CASTOR2: variants seen among roughly 807,000 people sequenced by gnomAD.
CASTOR2 encodes cytosolic arginine sensor for mTORC1 subunit 2, also known as GATS protein like 2.
A neutral mutation model predicts 31.2 loss-of-function variants in CASTOR2; 8 were observed. The ratio of observed to expected loss-of-function variants is 0.26; its 90% CI spans 0.15 to 0.46. The LOEUF (loss-of-function observed/expected upper bound fraction) is 0.46, where lower values mean the gene tolerates loss of function less well. Among genes scored for constraint, CASTOR2 ranks in the 20% least tolerant of loss-of-function variants. The probability of loss-of-function intolerance (pLI) is 0.99; values close to 1 mark genes in which losing one functional copy is unlikely to be tolerated. For synonymous variants in CASTOR2, 162 were observed against 158.7 expected (o/e 1.02, Z -0.16); for missense variants, 216 against 382.1 (o/e 0.57, Z 3.62).
chr7:74,998,039 G>T (rs2131937340), intron 1 of CASTOR2, among the ~76,000 whole-genome samples: 1 of 152,226 alleles, frequency 6.6e-6, no homozygotes, highest in East Asian at 1.9e-4. Flanking sequence ...GGATGTCTCA[G>T]AATGGAAATG....
intron 2 of CASTOR2, 42 bp from the exon 3 acceptor site, chr7:75,017,556 A>G: frequency 6.2e-7 from 1 of 1,604,454 alleles, no homozygotes. Flanking sequence ...GGTCATCTGG[A>G]ACCTCAGCAG....
rs936490103 is a variant in CASTOR2, at chr7:75,030,821, G to A, written c.*6122G>A. Among the ~76,000 whole-genome samples, 79 of 152,300 alleles carry A rather than the reference G, an allele frequency of 5.2e-4. No individual in the cohort carries two copies. Among genetic ancestry groups the A allele is most frequent in the South Asian group, 8.3e-4 (4 of 4,832 alleles). ...TGATTGGAAGGGGCTGGGGCTGCCC[G>A]TGCTGACTCTTCAAAGGCATCCCAT... On this transcript the variant is annotated 3_prime_UTR_variant, in exon 9 of 9. Transcript: ENST00000616305.
chr7:75,009,417 G>A (rs1349299725), intron 2 of CASTOR2, among the ~76,000 whole-genome samples: 115 of 150,896 alleles, frequency 7.6e-4, no homozygotes, highest in East Asian at 6.5e-3. Context: ...ACAGGCGCCC[G>A]CCACCACGCC....
At chr7:74,972,549 G>GC (rs1474021652) in intron 1 of CASTOR2, among the ~76,000 whole-genome samples, 3 of 149,854 alleles carry the variant, frequency 2.0e-5, no homozygotes, top group Admixed American at 6.7e-5. Flanking sequence ...ACTTCCTGCT[G>GC]CCTTCCTGGG....
At chr7:75,018,556 G>A (rs1396834822) in intron 4 of CASTOR2, among the ~76,000 whole-genome samples, 1 of 152,114 alleles carries the variant, frequency 6.6e-6, no homozygotes, top group East Asian at 1.9e-4. Context: ...AAAAAAATGT[G>A]ATGGAAAGGT....
rs1257912920 is a variant in CASTOR2 at position 75,025,526 on chromosome 7, T to C, written c.*827T>C. Among the ~76,000 whole-genome samples the C allele has an allele frequency of 6.6e-6, 1 of 152,186 alleles. No homozygotes were observed. The highest frequency in any genetic ancestry group is 3.2e-3 in the Middle Eastern group (1 of 316). ...TTCCCCCAGTAGGGACATCCCTGGC[T>C]TTCCAGGCCTGAGGTTTCTTAGGTG... On this transcript the variant is annotated 3_prime_UTR_variant, in exon 9 of 9. Transcript: ENST00000616305.
intron 1 of CASTOR2, among the ~76,000 whole-genome samples, chr7:74,977,703 A>G (rs1295019876): frequency 5.3e-5 from 8 of 150,754 alleles, no homozygotes; most frequent in South Asian, 2.1e-4. Context: ...TTGAGACAGG[A>G]TCTCACTGTG....
chr7:74,990,512 G>A (rs1473704865), intron 1 of CASTOR2, among the ~76,000 whole-genome samples: 3 of 152,040 alleles, frequency 2.0e-5, no homozygotes, highest in African/African-American at 7.2e-5. Context: ...TGAGCCAGGA[G>A]TTCAGGACCA....
intron 1 of CASTOR2, among the ~76,000 whole-genome samples, chr7:75,001,370 G>C (rs1312261761): frequency 4.6e-5 from 7 of 152,074 alleles, no homozygotes; most frequent in African/African-American, 1.7e-4. Context: ...GAGCCACTGC[G>C]CCCGGCCTCC....
chr7:75,019,291 C>G (rs1294541111), intron 5 of CASTOR2, among the ~76,000 whole-genome samples, 196 bp downstream of exon 5: 2 of 152,046 alleles, frequency 1.3e-5, no homozygotes, highest in African/African-American at 2.4e-5. Context: ...AGACATGGAC[C>G]TGCCCCGGAG....
At chr7:75,004,060 G>A (rs1284012941) in intron 1 of CASTOR2, among the ~76,000 whole-genome samples, 30 of 152,264 alleles carry the variant, frequency 2.0e-4, no homozygotes, top group African/African-American at 6.0e-4. Flanking sequence ...CGAGGGCGCC[G>A]GGAGCAAGGG....
At chr7:75,008,259 C>A in intron 2 of CASTOR2, among the ~76,000 whole-genome samples, 195 bp downstream of exon 2, 1 of 139,186 alleles carries the variant, frequency 7.2e-6, no homozygotes, top group Admixed American at 6.9e-5. Context: ...TCTGGAGGGT[C>A]CCCTCCCTGG....
chr7:74,988,130 CT>C (rs1378835890), intron 1 of CASTOR2, among the ~76,000 whole-genome samples: 19 of 147,094 alleles, frequency 1.3e-4, no homozygotes, highest in Non-Finnish European at 1.8e-4. Flanking sequence ...CGGGTCACTC[CT>C]TTTTTTTTTC....
At position 75,028,049 on chromosome 7, in the gene CASTOR2, T is replaced by C; in HGVS notation, c.*3350T>C. On this transcript the variant is annotated 3_prime_UTR_variant, in exon 9 of 9. Coordinates refer to ENST00000616305, the MANE Select transcript of CASTOR2 (RefSeq NM_001145064.3). ...GGAGGTAATCAGAGGAGTGGGCCTG[T>C]TGTCTTGGCGCTGGCGGATGGGGCA... 6.5e-7 allele frequency: 1 copy of C among 1,534,540 alleles called. No homozygotes were observed.
chr7:74,978,097 C>T (rs1271484391), intron 1 of CASTOR2, among the ~76,000 whole-genome samples: 2 of 150,234 alleles, frequency 1.3e-5, no homozygotes, highest in Non-Finnish European at 3.0e-5. Context: ...TTTGCTTGCA[C>T]ACCCCAATTT....
chr7:75,023,491 T>G (rs1320651607), intron 7 of CASTOR2, among the ~76,000 whole-genome samples: 15,007 of 140,632 alleles, frequency 0.11, 775 homozygotes, highest in Middle Eastern at 0.31. Flanking sequence ...TTTTTTTTTT[T>G]GAGACCGGAT....
intron 7 of CASTOR2, 98 bp from the exon 8 acceptor site, chr7:75,024,342 C>A: frequency 8.6e-7 from 1 of 1,159,752 alleles, no homozygotes; most frequent in Non-Finnish European, 1.3e-6. Flanking sequence ...ATGGTGGGTG[C>A]AGGGTAGGCA....
intron 6 of CASTOR2, 96 bp from the exon 7 acceptor site, chr7:75,021,778 C>T: frequency 1.4e-6 from 2 of 1,478,426 alleles, no homozygotes; most frequent in South Asian, 2.4e-5. Context: ...CCTGCCTGGC[C>T]AGCCCCATGC....
chr7:75,017,009 A>C (rs1331673001), intron 2 of CASTOR2, among the ~76,000 whole-genome samples: 11 of 152,180 alleles, frequency 7.2e-5, no homozygotes, highest in African/African-American at 2.7e-4. Context: ...TCTACTAAAA[A>C]TACAAAAATT....
Sources: allele counts gnomAD v4.1 joint callset (sites outside exome capture counted in the v4.1 genomes callset), GRCh38; gene constraint gnomAD v4.1.1; transcripts MANE v1.5; gene names NCBI Gene and HGNC (gene_info 2026-07-23, HGNC 2026-07-21).